Variants in TENM4 observed in about 807,000 individuals in gnomAD.
TENM4 encodes teneurin-4.
TENM4 carries 82 observed loss-of-function variants against 243.3 expected under a neutral mutation model. The observed-to-expected ratio is 0.34, with a 90% CI of 0.28 to 0.40. The LOEUF is 0.40. Ranked by LOEUF, TENM4 falls within the 10% of genes least tolerant of loss-of-function variation. TENM4 has a pLI of 1.00. For synonymous variants in TENM4, 1,412 were observed against 1,456.3 expected (o/e 0.97, Z 0.69); for missense variants, 3,138 against 3,673.3 (o/e 0.85, Z 3.77).
At chr11:79,394,273 C>G (rs1383853127) in intron 1 of TENM4, among the ~76,000 whole-genome samples, 1 of 152,212 alleles carries the variant, frequency 6.6e-6, no homozygotes, top group East Asian at 1.9e-4. Flanking sequence ...CTCAAGCATC[C>G]TGTGAGCCCT....
chr11:79,252,339 A>C (rs1253499923), intron 2 of TENM4, among the ~76,000 whole-genome samples: 2 of 152,186 alleles, frequency 1.3e-5, no homozygotes, highest in Non-Finnish European at 2.9e-5. Flanking sequence ...CGTTCACGCC[A>C]TTCTCCTGCT....
intron 1 of TENM4, among the ~76,000 whole-genome samples, chr11:79,389,743 G>A (rs890785328): frequency 6.6e-6 from 1 of 152,194 alleles, no homozygotes; most frequent in East Asian, 1.9e-4. Context: ...CCCACAAAAA[G>A]AAGTTCCATT....
At chr11:79,410,632 G>A (rs1044827748) in intron 1 of TENM4, among the ~76,000 whole-genome samples, 5 of 152,170 alleles carry the variant, frequency 3.3e-5, no homozygotes, top group Non-Finnish European at 7.3e-5. Context: ...TATGAAAAGA[G>A]TTTTGGAATT....
chr11:79,307,467 C>T (rs1302698719), intron 1 of TENM4, among the ~76,000 whole-genome samples: 1 of 152,130 alleles, frequency 6.6e-6, no homozygotes, highest in Non-Finnish European at 1.5e-5. Context: ...GGTTCTAACT[C>T]CTCAATCTCT....
intron 7 of TENM4, among the ~76,000 whole-genome samples, chr11:78,896,660 C>T (rs77825993): frequency 6.8e-4 from 104 of 152,250 alleles, no homozygotes; most frequent in African/African-American, 2.5e-3. Context: ...GCCTATCTCT[C>T]AGCTAAAAAT....
At chr11:79,230,137 C>A (rs1388155015) in intron 2 of TENM4, among the ~76,000 whole-genome samples, 1 of 152,162 alleles carries the variant, frequency 6.6e-6, no homozygotes, top group East Asian at 1.9e-4. Context: ...GATATAGATC[C>A]TGTTTAATGA....
At chr11:79,322,328 A>C (rs190956640) in intron 1 of TENM4, among the ~76,000 whole-genome samples, 36 of 152,328 alleles carry the variant, frequency 2.4e-4, no homozygotes, top group Admixed American at 9.8e-4. Flanking sequence ...TGCCCGGCTT[A>C]ATATTCTACT....
In TENM4 at chr11:78,953,864, C is replaced by T. The variant is rs557167196; in HGVS notation, c.494-50341G>A. On this transcript the variant is annotated intron_variant, in intron 6 of 33. Coordinates refer to ENST00000278550, the MANE Select transcript of TENM4 (RefSeq NM_001098816.3). ...ACTGTACTATTCTCCATTTTACAGA[C>T]GAGACTGAGGCCCAGAGAGGTGAAG... Among the ~76,000 whole-genome samples, 92 of 152,246 alleles carry T rather than the reference C, an allele frequency of 6.0e-4. 1 individual carries two copies. Among genetic ancestry groups the T allele is most frequent in the Admixed American group, 3.2e-3 (49 of 15,298 alleles).
chr11:78,790,596 T>C (rs1857035241), intron 15 of TENM4, among the ~76,000 whole-genome samples: 1 of 152,252 alleles, frequency 6.6e-6, no homozygotes, highest in East Asian at 1.9e-4. Flanking sequence ...GCCCAGATAG[T>C]ATGAGAACAT....
intron 6 of TENM4, among the ~76,000 whole-genome samples, chr11:78,996,028 G>T (rs562706498): frequency 2.0e-5 from 3 of 152,114 alleles, no homozygotes; most frequent in Admixed American, 2.0e-4. Flanking sequence ...GCTGATTTAC[G>T]TGGAGAGAAG....
intron 1 of TENM4, among the ~76,000 whole-genome samples, chr11:79,347,762 CTTTTTTTTT>C (rs528675032): frequency 1.1e-4 from 10 of 94,726 alleles, no homozygotes; most frequent in Non-Finnish European, 1.6e-4. Context: ...CTATCCTCTC[CTTTTTTTTT>C]TTTTTTTTTT....
chr11:78,862,883 T>C, intron 10 of TENM4, 79 bp downstream of exon 10: 1 of 1,287,618 alleles, frequency 7.8e-7, no homozygotes, highest in South Asian at 2.6e-5. Context: ...AGGCACATGA[T>C]GCACGCACGT....
intron 14 of TENM4, among the ~76,000 whole-genome samples, chr11:78,807,105 A>G (rs1857405880): frequency 6.6e-6 from 1 of 152,240 alleles, no homozygotes; most frequent in Admixed American, 6.5e-5. Context: ...ACATCAACTG[A>G]AATTCAGGTT....
At chr11:78,839,973 G>A (rs1565401316) in intron 12 of TENM4, among the ~76,000 whole-genome samples, 1 of 152,114 alleles carries the variant, frequency 6.6e-6, no homozygotes, top group Non-Finnish European at 1.5e-5. Flanking sequence ...ACAACTCCCT[G>A]CCTAATCTGG....
rs773241983 is a variant in TENM4 at position 78,883,208 on chromosome 11, T to C, written c.1084+6577A>G. On this transcript the variant is annotated intron_variant, in intron 9 of 33. Transcript: ENST00000278550. ...CTGTGTTTTTCAACATCATCTCATT[T>C]AACCTGCACAACAGCCTTATGAAAG... Among the ~76,000 whole-genome samples, 32 of 152,362 alleles carry C rather than the reference T, an allele frequency of 2.1e-4. No homozygotes were observed. The Middle Eastern group carries it at 0.014, about 65-fold the overall frequency.
intron 1 of TENM4, among the ~76,000 whole-genome samples, chr11:79,353,137 A>G (rs561328492): frequency 7.2e-5 from 11 of 152,310 alleles, no homozygotes; most frequent in African/African-American, 2.6e-4. Context: ...TGGGGCAGGA[A>G]AACAAAGCTT....
At chr11:78,757,151 A>G (rs774370847) in intron 18 of TENM4, 130 bp from the exon 19 acceptor site, 24 of 977,100 alleles carry the variant, frequency 2.5e-5, no homozygotes, top group Non-Finnish European at 3.3e-5. Flanking sequence ...GATATAAGCC[A>G]AAGTCTTTGC....
intron 6 of TENM4, among the ~76,000 whole-genome samples, chr11:78,997,870 T>C (rs1174626555): frequency 1.3e-5 from 2 of 152,166 alleles, no homozygotes; most frequent in Non-Finnish European, 2.9e-5. Flanking sequence ...GTAATGAAGG[T>C]GGGACCGTGA....
intron 6 of TENM4, among the ~76,000 whole-genome samples, chr11:79,058,553 A>C (rs1365854181): frequency 6.6e-6 from 1 of 152,002 alleles, no homozygotes; most frequent in African/African-American, 2.4e-5. Flanking sequence ...CAAAAAAAAA[A>C]AAACAAAAAA....
Sources: allele counts gnomAD v4.1 joint callset (sites outside exome capture counted in the v4.1 genomes callset), GRCh38; gene constraint gnomAD v4.1.1; transcripts MANE v1.5; gene names NCBI Gene and HGNC (gene_info 2026-07-23, HGNC 2026-07-21).